Variants in EPM2A observed in about 807,000 individuals in gnomAD.
EPM2A encodes the protein laforin.
EPM2A carries 21 observed loss-of-function variants against 26.5 expected under a neutral mutation model. The ratio of observed to expected loss-of-function variants is 0.79; its 90% CI spans 0.56 to 1.14. The LOEUF (loss-of-function observed/expected upper bound fraction) is 1.14. EPM2A is among the 50% of genes most tolerant of loss of function. EPM2A has a pLI of 0.00. For synonymous variants in EPM2A, 217 were observed against 177.6 expected, an observed-to-expected ratio of 1.22 and a Z score of -1.76; for missense variants, 458 against 440.8, an observed-to-expected ratio of 1.04 and a Z score of -0.35.
At chr6:145,652,257 G>T (rs1033500366) in intron 2 of EPM2A, among the ~76,000 whole-genome samples, 1 of 152,056 alleles carries the variant, frequency 6.6e-6, no homozygotes, top group African/African-American at 2.4e-5. Context: ...TTAAATTTAG[G>T]TGGATCTACT....
chr6:145,435,431 A>G (rs1296452620), intron 4 of EPM2A, among the ~76,000 whole-genome samples: 1 of 145,880 alleles, frequency 6.9e-6, no homozygotes, highest in East Asian at 2.0e-4. Context: ...ATATATATAT[A>G]TGTTTTATAG....
chr6:145,684,788 G>GT (rs1395657392), intron 2 of EPM2A: 1 of 105,324 alleles, frequency 9.5e-6, no homozygotes, highest in Non-Finnish European at 1.9e-5. Context: ...CCCCATCTCA[G>GT]TAAGTGGCAA....
chr6:145,485,251 G>A (rs1779657920), intron 4 of EPM2A, among the ~76,000 whole-genome samples: 1 of 152,014 alleles, frequency 6.6e-6, no homozygotes, highest in African/African-American at 2.4e-5. Flanking sequence ...GGTGAGAGTA[G>A]TGTCATGGAA....
intron 4 of EPM2A, among the ~76,000 whole-genome samples, chr6:145,446,079 C>T (rs946369232): frequency 2.0e-5 from 3 of 152,192 alleles, no homozygotes; most frequent in Non-Finnish European, 4.4e-5. Flanking sequence ...CACAAGCCAA[C>T]AGTCAGCATC....
intron 2 of EPM2A, among the ~76,000 whole-genome samples, chr6:145,653,803 G>A (rs923690994): frequency 6.6e-6 from 1 of 152,144 alleles, no homozygotes; most frequent in African/African-American, 2.4e-5. Context: ...ATTATGGAGT[G>A]TACTCTGATT....
chr6:145,624,576 T>C (rs1775707166), downstream of EPM2A, among the ~76,000 whole-genome samples: 1 of 152,216 alleles, frequency 6.6e-6, no homozygotes, highest in Non-Finnish European at 1.5e-5. Context: ...AAAAAGTCAT[T>C]TGATGTCTGT....
In EPM2A at chr6:145,443,949, C is replaced by T. The variant is rs532581998; in HGVS notation, c.555+58573G>A. On this transcript the variant is annotated intron_variant, in intron 4 of 4. Coordinates refer to the EPM2A transcript ENST00000638717. ...CCTTATGCCATGATTGTGAGGCCTC[C>T]CCAGCCATGTGGAACTGTAAGGCCA... 3.3e-5 allele frequency among the ~76,000 whole-genome samples: 5 copies of T among 152,294 alleles called. No homozygotes were observed. In the East Asian group the frequency reaches 9.6e-4, roughly 29 times the overall value.
At chr6:145,731,102 C>A (rs1776462606) in intron 1 of EPM2A, among the ~76,000 whole-genome samples, 1 of 151,930 alleles carries the variant, frequency 6.6e-6, no homozygotes, top group Admixed American at 6.6e-5. Flanking sequence ...CTCCATTCAA[C>A]AATAAAATAT....
chr6:145,627,515 CTTGGCCATG>C lies in EPM2A; in HGVS notation c.888_896del (p.Met297_Lys299del). On this transcript the variant is annotated inframe_deletion, in exon 4 of 4. Coordinates refer to ENST00000367519, the MANE Select transcript of EPM2A (RefSeq NM_005670.4). ...CTTCGTCAATGTAGACAGCCGGCCT[CTTGGCCATG>C]AGGAAATACTGCACCTTCCTCAGAT... 6.2e-7 allele frequency: 1 copy of C among 1,614,272 alleles called. No homozygotes were observed. The highest frequency in any genetic ancestry group is 2.2e-5 in the East Asian group (1 of 44,878).
At chr6:145,386,396 G>A (rs950883622) in intron 4 of EPM2A, among the ~76,000 whole-genome samples, 9 of 151,890 alleles carry the variant, frequency 5.9e-5, no homozygotes, top group Middle Eastern at 6.3e-3. Flanking sequence ...GAGAGTTATC[G>A]AAATCATGTG....
chr6:145,485,238 C>T (rs1446843747), intron 4 of EPM2A, among the ~76,000 whole-genome samples: 1 of 151,772 alleles, frequency 6.6e-6, no homozygotes, highest in East Asian at 1.9e-4. Context: ...AGAGGGGCAA[C>T]AAGGTGAGAG....
At chr6:145,514,286 A>G (rs1394550642) in intron 2 of EPM2A, among the ~76,000 whole-genome samples, 1 of 152,144 alleles carries the variant, frequency 6.6e-6, no homozygotes, top group Non-Finnish European at 1.5e-5. Context: ...TCTGGGTTCT[A>G]TAACTGAGTC....
At chr6:145,660,837 T>A (rs919826806) in intron 2 of EPM2A, among the ~76,000 whole-genome samples, 2 of 152,106 alleles carry the variant, frequency 1.3e-5, no homozygotes, top group Admixed American at 1.3e-4. Flanking sequence ...AAAAAATTGC[T>A]GAATGAAAAG....
intron 4 of EPM2A, among the ~76,000 whole-genome samples, chr6:145,468,936 T>C (rs1217150454): frequency 6.6e-6 from 1 of 152,108 alleles, no homozygotes; most frequent in African/African-American, 2.4e-5. Context: ...CAAACAACTA[T>C]ATAGAAAAAT....
chr6:145,651,903 C>G (rs769686372), intron 2 of EPM2A, among the ~76,000 whole-genome samples: 7 of 152,038 alleles, frequency 4.6e-5, no homozygotes, highest in Non-Finnish European at 1.0e-4. Flanking sequence ...CCAAGAATGT[C>G]TGTGTGTGAA....
At chr6:145,652,168 A>G (rs1245709432) in intron 2 of EPM2A, among the ~76,000 whole-genome samples, 1 of 152,216 alleles carries the variant, frequency 6.6e-6, no homozygotes, top group Non-Finnish European at 1.5e-5. Flanking sequence ...ACTTTCACAA[A>G]TACAAGCATT....
chr6:145,505,154 G>A (rs1027737127), intron 2 of EPM2A, among the ~76,000 whole-genome samples: 164 of 146,598 alleles, frequency 1.1e-3, no homozygotes, highest in African/African-American at 3.6e-3. Flanking sequence ...TAGATGACGC[G>A]TTAGTGGGTG....
chr6:145,544,564 A>G (rs1464246453), intron 2 of EPM2A, among the ~76,000 whole-genome samples: 1 of 152,232 alleles, frequency 6.6e-6, no homozygotes, highest in Non-Finnish European at 1.5e-5. Flanking sequence ...GTTAGGCAGA[A>G]AGCCTGACAA....
intron 4 of EPM2A, among the ~76,000 whole-genome samples, chr6:145,469,768 C>T (rs1330915981): frequency 6.6e-6 from 1 of 152,078 alleles, no homozygotes; most frequent in East Asian, 1.9e-4. Context: ...TTGAAGCAAC[C>T]TAAGTGTCCA....
Sources: allele counts gnomAD v4.1 joint callset (sites outside exome capture counted in the v4.1 genomes callset), GRCh38; gene constraint gnomAD v4.1.1; transcripts MANE v1.5; gene names NCBI Gene and HGNC (gene_info 2026-07-23, HGNC 2026-07-21).